GAB2: variants seen among roughly 807,000 people sequenced by gnomAD.
GAB2 encodes the protein GRB2 associated binding protein 2, also known as GRB2-associated-binding protein 2.
Under a neutral mutation model 65.5 loss-of-function variants are expected in GAB2, and 26 were observed. The ratio of observed to expected loss-of-function variants is 0.40; its 90% CI spans 0.29 to 0.55. The LOEUF is 0.55. Ranked by LOEUF, GAB2 falls within the 20% of genes least tolerant of loss-of-function variation. The probability of loss-of-function intolerance (pLI) is 0.53; values close to 1 mark genes in which losing one functional copy is unlikely to be tolerated. For missense variants in GAB2, 884 were observed against 875.8 expected (o/e 1.01, Z -0.12); for synonymous variants, 321 against 329.6 (o/e 0.97, Z 0.28).
At chr11:78,288,988 T>A (rs1866570345) in intron 1 of GAB2, among the ~76,000 whole-genome samples, 1 of 152,198 alleles carries the variant, frequency 6.6e-6, no homozygotes. Context: ...GTGGAATAGA[T>A]CAATTCTTGG....
In GAB2 at chr11:78,223,639, T is replaced by C. The variant is rs373619210; in HGVS notation, c.1340A>G (p.Asn447Ser). The change falls in exon 6 of 10, where the codon AAT (asparagine) becomes AGT (serine). Residue 447 changes from asparagine to serine, a missense_variant. Coordinates refer to ENST00000361507, the MANE Select transcript of GAB2 (RefSeq NM_080491.3). ...CATGGGCACATAGTTGTCTTCAGAA[T>C]TGGTGCTGTCCGATCGGCCCACAAT... ...KMIVGRSDST[N>S]SEDNYVPMNP... The C allele has an allele frequency of 4.3e-6, 7 of 1,611,958 alleles. No individual in the cohort carries two copies. The highest frequency in any genetic ancestry group is 1.7e-5 in the Admixed American group (1 of 59,710).
intron 2 of GAB2, among the ~76,000 whole-genome samples, chr11:78,273,463 T>C (rs1433373648): frequency 6.6e-6 from 1 of 152,258 alleles, no homozygotes; most frequent in African/African-American, 2.4e-5. Context: ...TGGACTTGCA[T>C]GGGGCCTGTA....
intron 1 of GAB2, among the ~76,000 whole-genome samples, chr11:78,366,784 T>C (rs1456840041): frequency 6.7e-6 from 1 of 149,016 alleles, no homozygotes; most frequent in African/African-American, 2.4e-5. Context: ...GAATAGAATG[T>C]AATTGGGGAT....
At chr11:78,272,231 A>G (rs1008115446) in intron 2 of GAB2, among the ~76,000 whole-genome samples, 1 of 152,228 alleles carries the variant, frequency 6.6e-6, no homozygotes, top group African/African-American at 2.4e-5. Context: ...TGGAAGTGAC[A>G]GGAACTGGGT....
intron 1 of GAB2, among the ~76,000 whole-genome samples, chr11:78,343,054 C>A (rs188015983): frequency 1.3e-5 from 2 of 152,262 alleles, no homozygotes; most frequent in African/African-American, 4.8e-5. Flanking sequence ...CCTTGAGTAA[C>A]TGCTCCCACC....
At chr11:78,409,611 T>C (rs930975969) in intron 1 of GAB2, among the ~76,000 whole-genome samples, 4 of 151,732 alleles carry the variant, frequency 2.6e-5, no homozygotes, top group Non-Finnish European at 5.9e-5. Flanking sequence ...AAAAATAAAA[T>C]ATGTGAAACA....
chr11:78,378,306 T>C (rs112796967), intron 1 of GAB2, among the ~76,000 whole-genome samples: 4,194 of 152,276 alleles, frequency 0.028, 163 homozygotes, highest in African/African-American at 0.089. Context: ...CCTTGGGCCA[T>C]TAAAATATGA....
At chr11:78,234,918 G>A (rs1433188030) in intron 3 of GAB2, among the ~76,000 whole-genome samples, 2 of 151,908 alleles carry the variant, frequency 1.3e-5, no homozygotes, top group Non-Finnish European at 2.9e-5. Flanking sequence ...GCTGAGGCAG[G>A]AGAATTGCTT....
chr11:78,323,378 C>T (rs55825352), intron 1 of GAB2, among the ~76,000 whole-genome samples: 24,705 of 151,850 alleles, frequency 0.16, 2,580 homozygotes, highest in East Asian at 0.41. Flanking sequence ...GGCATGGTGA[C>T]GTGTGCCTGT....
At chr11:78,388,659 A>G (rs929061709) in intron 1 of GAB2, among the ~76,000 whole-genome samples, 4 of 152,162 alleles carry the variant, frequency 2.6e-5, no homozygotes, top group Non-Finnish European at 4.4e-5. Context: ...CTCACAATAT[A>G]GTCCCAGAAC....
Position 78,225,029 on chromosome 11 carries a change from T to G in GAB2, c.1302+79A>C, listed in dbSNP as rs1400679570. The G allele has an allele frequency of 5.9e-6, 5 of 848,640 alleles. No individual in the cohort carries two copies. In the East Asian group the frequency reaches 1.2e-4, roughly 21 times the overall value. 52.6% of individuals were successfully genotyped at this position (848,640 alleles called of 1,614,324 possible). A position where few individuals can be genotyped will look rare whatever the true frequency, so the allele number is the denominator to read the frequency against. Reference sequence around the variant, plus strand: ...TGGAGACGCCATCAATCTTTTGGGGTTGTGCTTTTAATTCCATAAGGTGTG... The same window carrying G: ...TGGAGACGCCATCAATCTTTTGGGGGTGTGCTTTTAATTCCATAAGGTGTG... On this transcript the variant is annotated intron_variant, in intron 5 of 9. Transcript: ENST00000361507.
At chr11:78,341,307 A>G (rs1181240291) in intron 1 of GAB2, among the ~76,000 whole-genome samples, 1 of 152,208 alleles carries the variant, frequency 6.6e-6, no homozygotes, top group Non-Finnish European at 1.5e-5. Context: ...CATATTGGTA[A>G]TATTGGTAAA....
At chr11:78,285,002 T>A (rs1370404605) in intron 1 of GAB2, among the ~76,000 whole-genome samples, 2 of 152,194 alleles carry the variant, frequency 1.3e-5, no homozygotes, top group African/African-American at 4.8e-5. Context: ...TATAGCCAGA[T>A]AGGATGGAGC....
At chr11:78,370,909 A>C (rs1856563620) in intron 1 of GAB2, among the ~76,000 whole-genome samples, 1 of 152,154 alleles carries the variant, frequency 6.6e-6, no homozygotes. Context: ...ACTGGGGAAG[A>C]ACACACCCCA....
At chr11:78,258,332 A>G (rs1865647335) in intron 2 of GAB2, among the ~76,000 whole-genome samples, 1 of 152,214 alleles carries the variant, frequency 6.6e-6, no homozygotes, top group Admixed American at 6.5e-5. Context: ...TTTGAGTGAC[A>G]AATGAAAGAG....
chr11:78,352,401 G>A (rs1856292362), intron 1 of GAB2, among the ~76,000 whole-genome samples: 1 of 152,222 alleles, frequency 6.6e-6, no homozygotes, highest in Non-Finnish European at 1.5e-5. Context: ...CTAGAGGACA[G>A]AGCTCAGCAG....
chr11:78,297,272 TATA>T (rs1866857814), intron 1 of GAB2, among the ~76,000 whole-genome samples: 1 of 151,644 alleles, frequency 6.6e-6, no homozygotes, highest in Non-Finnish European at 1.5e-5. Flanking sequence ...AGTCAAATAT[TATA>T]ATAATATATT....
At chr11:78,404,864 CAAT>C (rs1857020768) in intron 1 of GAB2, among the ~76,000 whole-genome samples, 1 of 152,124 alleles carries the variant, frequency 6.6e-6, no homozygotes, top group African/African-American at 2.4e-5. Context: ...GTATAGTTAA[CAAT>C]AATTTATTGT....
rs112502126 is a variant in GAB2 at position 78,226,279 on chromosome 11, A to G, written c.1207+186T>C. On this transcript the variant is annotated intron_variant, in intron 4 of 9. Transcript: ENST00000361507. Reference sequence around the variant, plus strand: ...GCTCTGTTAGACAACTACTACTAACAGCCTCCAGTGCTGGAGGACCAACTG... The same window carrying G: ...GCTCTGTTAGACAACTACTACTAACGGCCTCCAGTGCTGGAGGACCAACTG... Among the ~76,000 whole-genome samples the G allele has an allele frequency of 9.3e-3, 1,419 of 152,346 alleles. 21 individuals are homozygous for G. The highest frequency in any genetic ancestry group is 0.032 in the African/African-American group (1,318 of 41,576).
Sources: allele counts gnomAD v4.1 joint callset (sites outside exome capture counted in the v4.1 genomes callset), GRCh38; gene constraint gnomAD v4.1.1; transcripts MANE v1.5; gene names NCBI Gene and HGNC (gene_info 2026-07-23, HGNC 2026-07-21).